The following ARFGEF3 variants were observed in gnomAD, a reference collection of about 807,000 sequenced individuals.
The protein encoded by ARFGEF3 is brefeldin A-inhibited guanine nucleotide-exchange protein 3.
Under a neutral mutation model 221.7 loss-of-function variants are expected in ARFGEF3, and 96 were observed. That is an observed-to-expected ratio of 0.43 (90% CI 0.37 to 0.51). ARFGEF3 has a LOEUF of 0.51. ARFGEF3 is among the 20% of genes least tolerant of loss of function. The pLI is 0.00. For synonymous variants in ARFGEF3, 1,145 were observed against 1,126.8 expected, an observed-to-expected ratio of 1.02 and a Z score of -0.32; for missense variants, 2,410 against 2,789.9, an observed-to-expected ratio of 0.86 and a Z score of 3.07.
At chr6:138,251,067 C>G (rs1024972630) in intron 8 of ARFGEF3, among the ~76,000 whole-genome samples, 1 of 152,148 alleles carries the variant, frequency 6.6e-6, no homozygotes, top group African/African-American at 2.4e-5. Context: ...TCCAGACTGC[C>G]GCAACCCACG....
intron 4 of ARFGEF3, chr6:138,217,299 C>A (rs1291534731): frequency 1.3e-5 from 2 of 152,136 alleles, no homozygotes; most frequent in Admixed American, 1.3e-4. Context: ...TTCTATAGAT[C>A]CAAACAGAAT....
chr6:138,285,454 CAAA>C (rs5880380), intron 14 of ARFGEF3, among the ~76,000 whole-genome samples: 5 of 81,194 alleles, frequency 6.2e-5, no homozygotes, highest in East Asian at 3.9e-4. Context: ...ACTCCCGTCT[CAAA>C]AAAAAAAAAA....
In ARFGEF3 at chr6:138,218,163, T is replaced by C. The variant is rs377205904; in HGVS notation, c.351+8122T>C. The C allele has an allele frequency of 3.8e-5, 62 of 1,613,860 alleles. No homozygotes were observed. Among genetic ancestry groups the C allele is most frequent in the African/African-American group, 1.6e-4 (12 of 74,942 alleles). On this transcript the variant is annotated intron_variant, in intron 4 of 33. Coordinates refer to ENST00000251691, the MANE Select transcript of ARFGEF3 (RefSeq NM_020340.5). The stretch of plus-strand genomic sequence containing the variant: ...TGTCTGCAAGGGTGTGAGAATTGCA[T>C]GGTGTGACTGTTCTATGGAATAATC...
At position 138,210,048 on chromosome 6, in the gene ARFGEF3, T is replaced by G. The variant is rs762031354; in HGVS notation, c.351+7T>G. On this transcript the variant is annotated splice_region_variant and intron_variant, in intron 4 of 33. Transcript: ENST00000251691. ...GCAGGTGGAAGTGATGAAGGTTGGT[T>G]TGACGTGGCCAAGAGTGTGCGTCAC... 1 of 1,613,236 alleles carries G rather than the reference T, an allele frequency of 6.2e-7. No individual in the cohort carries two copies. Among genetic ancestry groups the G allele is most frequent in the Admixed American group, 1.7e-5 (1 of 60,016 alleles).
intron 13 of ARFGEF3, 120 bp from the exon 14 acceptor site, chr6:138,279,879 C>A: frequency 1.1e-6 from 1 of 945,812 alleles, no homozygotes; most frequent in East Asian, 2.4e-5. Flanking sequence ...CCCCCTTACC[C>A]AATACACAAG....
At chr6:138,308,989 G>A in intron 24 of ARFGEF3, 128 bp downstream of exon 24, 2 of 1,151,978 alleles carry the variant, frequency 1.7e-6, no homozygotes, top group East Asian at 2.4e-5. Context: ...GCAGATGGTG[G>A]TGTTGTGTAC....
At chr6:138,322,043 G>A (rs751774541) in intron 29 of ARFGEF3, among the ~76,000 whole-genome samples, 8 of 152,314 alleles carry the variant, frequency 5.3e-5, no homozygotes, top group Non-Finnish European at 1.0e-4. Flanking sequence ...TATTGTGGGT[G>A]TGTCTCTGGG....
intron 8 of ARFGEF3, among the ~76,000 whole-genome samples, chr6:138,247,827 C>G (rs1490927878): frequency 6.6e-6 from 1 of 152,196 alleles, no homozygotes; most frequent in Admixed American, 6.5e-5. Context: ...AGAAAATTCA[C>G]TTAAAAGACT....
intron 2 of ARFGEF3, among the ~76,000 whole-genome samples, chr6:138,196,998 T>A (rs1777439686): frequency 6.6e-6 from 1 of 151,848 alleles, no homozygotes; most frequent in African/African-American, 2.4e-5. Flanking sequence ...CACGCCCGGC[T>A]AATTTTGTAT....
chr6:138,255,862 C>G, intron 10 of ARFGEF3, 93 bp downstream of exon 10: 1 of 1,051,362 alleles, frequency 9.5e-7, no homozygotes, highest in Non-Finnish European at 1.3e-6. Flanking sequence ...TTGCCAATCA[C>G]TTGCCGGAAC....
intron 10 of ARFGEF3, among the ~76,000 whole-genome samples, chr6:138,256,599 T>A (rs1205416831): frequency 6.6e-6 from 1 of 152,100 alleles, no homozygotes; most frequent in African/African-American, 2.4e-5. Context: ...TTGTAATGAG[T>A]ATTGGAAAGT....
chr6:138,336,429 C>G lies in ARFGEF3; in HGVS notation c.6477C>G (p.Arg2159=). The G allele has an allele frequency of 1.2e-6, 2 of 1,613,332 alleles. No individual in the cohort carries two copies. The highest frequency in any genetic ancestry group is 1.7e-6 in the Non-Finnish European group (2 of 1,179,648). The change falls in exon 34 of 34, where the codon CGC becomes CGG. Residue 2159 remains arginine (R), a synonymous_variant. Transcript: ENST00000251691. ...LTCHVTDIRV[R]QAVREWLGRV... ...GTCACGTGACCGACATCAGAGTTCGCCAGGCTGTGAGGGAGTGGCTGGGCA... is the reference window on the plus strand; with the variant it reads ...GTCACGTGACCGACATCAGAGTTCGGCAGGCTGTGAGGGAGTGGCTGGGCA...
At chr6:138,336,158 A>G (rs1780317378) in intron 33 of ARFGEF3, 137 bp from the exon 34 acceptor site, 1 of 569,236 alleles carries the variant, frequency 1.8e-6, no homozygotes, top group Non-Finnish European at 3.0e-6. Flanking sequence ...TATTATAGGC[A>G]TATTAAATGA....
At chr6:138,197,128 C>T (rs927718874) in intron 2 of ARFGEF3, among the ~76,000 whole-genome samples, 26 of 152,190 alleles carry the variant, frequency 1.7e-4, no homozygotes, top group African/African-American at 2.7e-4. Flanking sequence ...CCGCCATGCC[C>T]GGCCTTTAAG....
intron 2 of ARFGEF3, among the ~76,000 whole-genome samples, chr6:138,205,762 A>G (rs1777614332): frequency 6.6e-6 from 1 of 152,220 alleles, no homozygotes; most frequent in South Asian, 2.1e-4. Context: ...ATACTGTAAC[A>G]TTGGGTTGTT....
intron 2 of ARFGEF3, among the ~76,000 whole-genome samples, chr6:138,206,230 TTAGAG>T (rs1777622627): frequency 6.6e-6 from 1 of 152,242 alleles, no homozygotes; most frequent in Non-Finnish European, 1.5e-5. Flanking sequence ...GTTTAATTAT[TTAGAG>T]TAGATGCTTC....
rs147994372 is a variant in ARFGEF3, at chr6:138,255,731, C to T, written c.1066C>T (p.Pro356Ser). The T allele has an allele frequency of 3.7e-5, 59 of 1,596,960 alleles. No individual in the cohort carries two copies. Among genetic ancestry groups the T allele is most frequent in the Admixed American group, 1.0e-4 (6 of 58,988 alleles). Residue 356 changes from proline to serine, a missense_variant, in exon 10 of 34, where the codon CCC (proline) becomes TCC (serine). Around this residue, in one of 5 missense-constraint regions of ARFGEF3, gnomAD observed 570 missense variants for 586.9 expected, o/e 0.97. Coordinates refer to ENST00000251691, the MANE Select transcript of ARFGEF3 (RefSeq NM_020340.5). The part of the protein sequence containing the change: ...LYHRVLLYPP[P>S]QHRVEAIKIM... ...CCACCGAGTGCTGCTCTACCCCCCA[C>T]CCCAGCACCGGGTGGAAGCCATCAA...
At chr6:138,220,731 A>G (rs953957725) in intron 4 of ARFGEF3, among the ~76,000 whole-genome samples, 3 of 152,156 alleles carry the variant, frequency 2.0e-5, no homozygotes, top group African/African-American at 7.2e-5. Flanking sequence ...CAGCCCTTCC[A>G]CAGTAATTTC....
rs557292779 is a variant in ARFGEF3, at chr6:138,193,406, C to T, written c.138-13636C>T. ...GTGTCATTACCTTGTACCTATGTTT[C>T]CATATTATCACATGTCTGTTACTTC... On this transcript the variant is annotated intron_variant, in intron 2 of 33. Coordinates refer to ENST00000251691, the MANE Select transcript of ARFGEF3 (RefSeq NM_020340.5). 2.1e-4 allele frequency among the ~76,000 whole-genome samples: 32 copies of T among 152,282 alleles called. No individual in the cohort carries two copies. The South Asian group carries it at 6.4e-3, about 31-fold the overall frequency.
Sources: gnomAD v4.1 joint callset for allele counts (sites outside exome capture counted in the v4.1 genomes callset) on GRCh38, gnomAD v4.1.1 for gene constraint, gnomAD v4.1.1 regional missense constraint, MANE v1.5 for transcripts, NCBI Gene and HGNC (gene_info 2026-07-23, HGNC 2026-07-21) for gene names.